Variants in FARS2 observed in about 807,000 individuals in gnomAD.
FARS2 encodes phenylalanyl-tRNA synthetase 2, mitochondrial.
A neutral mutation model predicts 46.4 loss-of-function variants in FARS2; 40 were observed. That is an observed-to-expected ratio of 0.86 (90% CI 0.67 to 1.12). The LOEUF is 1.12. Among genes scored for constraint, FARS2 ranks in the 50% most tolerant of loss-of-function variants. The probability of loss-of-function intolerance (pLI) is 0.00; values close to 1 mark genes in which losing one functional copy is unlikely to be tolerated. For synonymous variants in FARS2, 234 were observed against 214.9 expected (o/e 1.09, Z -0.78); for missense variants, 513 against 567.9 (o/e 0.90, Z 0.98).
At chr6:5,603,889 A>G (rs554843219) in intron 5 of FARS2, among the ~76,000 whole-genome samples, 4 of 152,312 alleles carry the variant, frequency 2.6e-5, no homozygotes, top group African/African-American at 9.6e-5. Context: ...CGGTGATTAC[A>G]ATGCCAGCTG....
intron 1 of FARS2, among the ~76,000 whole-genome samples, chr6:5,354,434 A>G (rs1334245611): frequency 1.3e-5 from 2 of 152,148 alleles, no homozygotes; most frequent in Admixed American, 1.3e-4. Context: ...TACTATGGTC[A>G]TTGATAAAAG....
rs191585713 is a variant in FARS2, at chr6:5,497,405, T to C, written c.905-47775T>C. ...TGGAGCTGTTCTAAAATAGTGAATCTTTTTGCCAGGCCTGATGAGAATGAA... is the reference window on the plus strand; with the variant it reads ...TGGAGCTGTTCTAAAATAGTGAATCCTTTTGCCAGGCCTGATGAGAATGAA... On this transcript the variant is annotated intron_variant, in intron 4 of 6. Coordinates refer to ENST00000274680, the MANE Select transcript of FARS2 (RefSeq NM_006567.5). 2.7e-3 allele frequency among the ~76,000 whole-genome samples: 413 copies of C among 152,240 alleles called. 1 individual carries two copies. The highest frequency in any genetic ancestry group is 4.9e-3 in the Non-Finnish European group (335 of 68,016).
intron 4 of FARS2, among the ~76,000 whole-genome samples, chr6:5,465,904 C>CTAACAGAGGTTG (rs1438563760): frequency 1.3e-5 from 2 of 151,648 alleles, no homozygotes; most frequent in Non-Finnish European, 1.5e-5. Flanking sequence ...AGTTTATCAA[C>CTAACAGAGGTTG]CTCTGTCTGG....
At chr6:5,269,322 A>G (rs1765778348) in intron 1 of FARS2, among the ~76,000 whole-genome samples, 1 of 143,850 alleles carries the variant, frequency 7.0e-6, no homozygotes, top group Admixed American at 7.0e-5. Flanking sequence ...GGAACATCGC[A>G]CACCGGGGCC....
chr6:5,266,245 G>A (rs1262549449), intron 1 of FARS2, among the ~76,000 whole-genome samples: 2 of 152,192 alleles, frequency 1.3e-5, no homozygotes, highest in African/African-American at 2.4e-5. Context: ...GGGTGAGAAC[G>A]GGGAGATCCC....
At chr6:5,331,460 C>T (rs1350146796) in intron 1 of FARS2, among the ~76,000 whole-genome samples, 1 of 152,202 alleles carries the variant, frequency 6.6e-6, no homozygotes, top group African/African-American at 2.4e-5. Flanking sequence ...TCACAGTGTT[C>T]TGGTGGCTGG....
At chr6:5,769,047 T>C (rs1044354373) in intron 6 of FARS2, among the ~76,000 whole-genome samples, 1 of 152,238 alleles carries the variant, frequency 6.6e-6, no homozygotes, top group African/African-American at 2.4e-5. Flanking sequence ...TAAGGAGGTT[T>C]TGCCTATGCG....
At chr6:5,495,390 TG>T (rs1306793895) in intron 4 of FARS2, among the ~76,000 whole-genome samples, 1 of 152,238 alleles carries the variant, frequency 6.6e-6, no homozygotes, top group Non-Finnish European at 1.5e-5. Flanking sequence ...GTGCTCCCAG[TG>T]GAGCCAGAAG....
At chr6:5,691,813 C>G (rs1406992512) in intron 6 of FARS2, among the ~76,000 whole-genome samples, 2 of 152,336 alleles carry the variant, frequency 1.3e-5, no homozygotes, top group Middle Eastern at 3.4e-3. Flanking sequence ...AGGCAGACCT[C>G]CTTGAGCTGC....
intron 5 of FARS2, among the ~76,000 whole-genome samples, chr6:5,567,165 C>T (rs1290209165): frequency 2.6e-5 from 4 of 152,212 alleles, no homozygotes; most frequent in Non-Finnish European, 4.4e-5. Context: ...TCCACATCCT[C>T]GCCAACGAGT....
chr6:5,565,300 C>A (rs1032083864), intron 5 of FARS2, among the ~76,000 whole-genome samples: 5 of 152,132 alleles, frequency 3.3e-5, no homozygotes, highest in African/African-American at 1.2e-4. Flanking sequence ...TGAGTGTAGT[C>A]CATTTAGTTA....
At chr6:5,415,989 G>C (rs1762218068) in intron 3 of FARS2, among the ~76,000 whole-genome samples, 1 of 152,212 alleles carries the variant, frequency 6.6e-6, no homozygotes, top group African/African-American at 2.4e-5. Context: ...TTACAGGTGT[G>C]AGCTATTGCG....
chr6:5,358,145 A>G (rs1390391226), intron 1 of FARS2, among the ~76,000 whole-genome samples: 2 of 152,310 alleles, frequency 1.3e-5, no homozygotes, highest in East Asian at 3.9e-4. Flanking sequence ...TAATGTTTTT[A>G]ATTGCTTAAA....
intron 6 of FARS2, chr6:5,665,521 T>C (rs1022124727): frequency 3.9e-5 from 6 of 151,930 alleles, no homozygotes; most frequent in Admixed American, 3.3e-4. Flanking sequence ...GTGGATGAGG[T>C]GATTTCTAAC....
At chr6:5,377,945 A>G (rs1034646419) in intron 2 of FARS2, among the ~76,000 whole-genome samples, 2 of 152,244 alleles carry the variant, frequency 1.3e-5, no homozygotes, top group African/African-American at 4.8e-5. Context: ...TTACACCTTA[A>G]CAAATGAAGG....
intron 1 of FARS2, among the ~76,000 whole-genome samples, chr6:5,357,437 A>C (rs530773898): frequency 6.6e-6 from 1 of 152,320 alleles, no homozygotes; most frequent in East Asian, 1.9e-4. Context: ...TGACAGATGG[A>C]CTAGCATCCT....
chr6:5,437,713 A>T (rs1486955544), intron 4 of FARS2, among the ~76,000 whole-genome samples: 3 of 152,086 alleles, frequency 2.0e-5, no homozygotes, highest in African/African-American at 7.2e-5. Flanking sequence ...AGTTACATAT[A>T]TTACATCTAC....
intron 6 of FARS2, among the ~76,000 whole-genome samples, chr6:5,722,861 A>T (rs910849188): frequency 6.6e-6 from 1 of 152,228 alleles, no homozygotes; most frequent in African/African-American, 2.4e-5. Context: ...TCTAAACCCT[A>T]GTTATGAAGT....
chr6:5,469,672 A>G (rs1765704566), intron 4 of FARS2, among the ~76,000 whole-genome samples: 1 of 152,232 alleles, frequency 6.6e-6, no homozygotes, highest in Non-Finnish European at 1.5e-5. Context: ...TCATGAAAAA[A>G]TTAAAGGCGA....
Sources: allele counts gnomAD v4.1 joint callset (sites outside exome capture counted in the v4.1 genomes callset), GRCh38; gene constraint gnomAD v4.1.1; transcripts MANE v1.5; gene names NCBI Gene and HGNC (gene_info 2026-07-23, HGNC 2026-07-21).